Variants in GATAD2A observed in about 807,000 individuals in gnomAD.
The protein encoded by GATAD2A is transcriptional repressor p66-alpha.
A neutral mutation model predicts 68.5 loss-of-function variants in GATAD2A; 12 were observed. That is an observed-to-expected ratio of 0.18 (90% CI 0.11 to 0.28). GATAD2A has a LOEUF of 0.28. Ranked by LOEUF, GATAD2A falls within the 10% of genes least tolerant of loss-of-function variation. The probability of loss-of-function intolerance (pLI) is 1.00; values close to 1 mark genes in which losing one functional copy is unlikely to be tolerated. For synonymous variants in GATAD2A, 410 were observed against 375.3 expected (o/e 1.09, Z -1.07); for missense variants, 755 against 868.5 (o/e 0.87, Z 1.64).
chr19:19,467,335 C>T (rs2057951547), intron 2 of GATAD2A, among the ~76,000 whole-genome samples: 1 of 152,130 alleles, frequency 6.6e-6, no homozygotes, highest in South Asian at 2.1e-4. Flanking sequence ...GAGATCGCGC[C>T]ACTGTACTTC....
At chr19:19,395,639 T>C (rs1039810074) in intron 1 of GATAD2A, among the ~76,000 whole-genome samples, 2 of 152,162 alleles carry the variant, frequency 1.3e-5, no homozygotes, top group African/African-American at 2.4e-5. Flanking sequence ...ATTATCACAG[T>C]GTTCCCCTCG....
intron 1 of GATAD2A, among the ~76,000 whole-genome samples, chr19:19,432,032 A>G (rs755542456): frequency 1.6e-4 from 24 of 151,864 alleles, no homozygotes; most frequent in Admixed American, 5.9e-4. Context: ...CTGGAGCGCA[A>G]TGGTGCGATC....
chr19:19,495,828 G>A lies in GATAD2A; in HGVS notation c.699G>A (p.Lys233=). 2 of 1,613,620 alleles carry A rather than the reference G, an allele frequency of 1.2e-6. No homozygotes were observed. The highest frequency in any genetic ancestry group is 1.7e-6 in the Non-Finnish European group (2 of 1,179,880). ...GAGGTGGGCAGCAGGCGTCCTCGAA[G>A]CTGGGGCCACAGGCGAGCTCACAGG... is the stretch of plus-strand genomic sequence containing the variant. ...LVRGGQQASS[K]LGPQASSQVV... is the part of the protein sequence containing the mutation. Residue 233 remains lysine (K), a synonymous_variant, in exon 6 of 12, where the codon AAG becomes AAA. Coordinates refer to ENST00000683918, the MANE Select transcript of GATAD2A (RefSeq NM_001384528.1).
At chr19:19,449,080 T>G (rs1006887090) in intron 1 of GATAD2A, among the ~76,000 whole-genome samples, 1 of 152,182 alleles carries the variant, frequency 6.6e-6, no homozygotes, top group Non-Finnish European at 1.5e-5. Context: ...CTTCCCTGAT[T>G]AAGAACTATG....
chr19:19,393,734 C>T (rs1422479545), intron 1 of GATAD2A, among the ~76,000 whole-genome samples: 4 of 152,106 alleles, frequency 2.6e-5, no homozygotes, highest in Non-Finnish European at 4.4e-5. Context: ...CCTCACTGGG[C>T]TCCTGTTTCC....
intron 1 of GATAD2A, among the ~76,000 whole-genome samples, chr19:19,417,589 G>A (rs894007024): frequency 2.6e-5 from 4 of 152,154 alleles, no homozygotes; most frequent in African/African-American, 9.7e-5. Context: ...AACTAAGGGC[G>A]AAAGCACAGG....
At chr19:19,430,555 G>A (rs923721170) in intron 1 of GATAD2A, among the ~76,000 whole-genome samples, 1 of 152,184 alleles carries the variant, frequency 6.6e-6, no homozygotes, top group African/African-American at 2.4e-5. Flanking sequence ...AGAACTAGTT[G>A]AAAAATTCTA....
intron 1 of GATAD2A, among the ~76,000 whole-genome samples, chr19:19,442,706 C>G (rs183298610): frequency 7.3e-5 from 11 of 149,700 alleles, no homozygotes; most frequent in African/African-American, 2.7e-4. Context: ...AGGCCAAGGC[C>G]ATAGGATTGC....
intron 1 of GATAD2A, among the ~76,000 whole-genome samples, chr19:19,419,397 A>T (rs1385942006): frequency 6.6e-6 from 1 of 151,828 alleles, no homozygotes; most frequent in East Asian, 1.9e-4. Flanking sequence ...GAGGGTTTCC[A>T]TGCCTTCTAC....
At chr19:19,464,220 T>C (rs192471877) in intron 1 of GATAD2A, among the ~76,000 whole-genome samples, 121 of 152,336 alleles carry the variant, frequency 7.9e-4, no homozygotes, top group African/African-American at 2.7e-3. Context: ...ATTGGGGTTC[T>C]CTGTGGGGCC....
chr19:19,404,420 C>T (rs927350530), upstream of GATAD2A, among the ~76,000 whole-genome samples: 2 of 152,080 alleles, frequency 1.3e-5, no homozygotes, highest in Non-Finnish European at 2.9e-5. Flanking sequence ...GTGGCTTATG[C>T]CTGTAATCCC....
At chr19:19,457,232 G>A in intron 1 of GATAD2A, 1 of 985,456 alleles carries the variant, frequency 1.0e-6, no homozygotes, top group Non-Finnish European at 1.2e-6. Flanking sequence ...GTTATCTGGT[G>A]AGTGATTGGG....
At chr19:19,430,724 G>A (rs2053627657) in intron 1 of GATAD2A, among the ~76,000 whole-genome samples, 1 of 152,158 alleles carries the variant, frequency 6.6e-6, no homozygotes, top group Admixed American at 6.5e-5. Flanking sequence ...CCAGCCATGG[G>A]TGCCGCAACC....
chr19:19,387,888 T>G lies in GATAD2A; in HGVS notation c.-7+1750T>G, dbSNP rs563458197. 1.6e-4 allele frequency among the ~76,000 whole-genome samples: 25 copies of G among 152,154 alleles called. No individual in the cohort carries two copies. The South Asian group carries it at 5.2e-3, about 32-fold the overall frequency. On this transcript the variant is annotated intron_variant, in intron 1 of 11. Coordinates refer to the GATAD2A transcript ENST00000360315. ...AGTGTGTCTCCCCTTTTCCAAGATA[T>G]CCCGTCTCCCGATGGGAGACACTGT...
intron 1 of GATAD2A, among the ~76,000 whole-genome samples, chr19:19,440,905 TCCTTTCCTTCCTTC>T (rs1484075668): frequency 1.3e-5 from 2 of 151,318 alleles, no homozygotes; most frequent in East Asian, 1.9e-4. Flanking sequence ...TTCCTTCCCT[TCCTTTCCTTCCTTC>T]CCTTTCCTTC....
intron 2 of GATAD2A, 68 bp downstream of exon 2, chr19:19,465,682 T>C: frequency 6.6e-7 from 1 of 1,522,436 alleles, no homozygotes; most frequent in Non-Finnish European, 8.8e-7. Flanking sequence ...AGGTTGGGGC[T>C]GGCCACACTC....
chr19:19,457,015 G>T, intron 1 of GATAD2A: 1 of 774,714 alleles, frequency 1.3e-6, no homozygotes, highest in Non-Finnish European at 1.6e-6. Flanking sequence ...AGGAGCAACA[G>T]ATTTGGATGA....
chr19:19,397,930 T>C (rs2049385070), intron 1 of GATAD2A, among the ~76,000 whole-genome samples: 1 of 152,114 alleles, frequency 6.6e-6, no homozygotes, highest in African/African-American at 2.4e-5. Context: ...TGAGACAGAG[T>C]TTTGCTCTTG....
intron 1 of GATAD2A, chr19:19,428,025 T>C (rs957631836): frequency 6.6e-6 from 1 of 152,208 alleles, no homozygotes; most frequent in Non-Finnish European, 1.5e-5. Flanking sequence ...TGTTTGTCAG[T>C]GAGTTTCCTT....
Sources: gnomAD v4.1 joint callset for allele counts (sites outside exome capture counted in the v4.1 genomes callset) on GRCh38, gnomAD v4.1.1 for gene constraint, MANE v1.5 for transcripts, NCBI Gene and HGNC (gene_info 2026-07-23, HGNC 2026-07-21) for gene names.